PCDH9: variants seen among roughly 807,000 people sequenced by gnomAD.
The protein encoded by PCDH9 is protocadherin-9.
In PCDH9, 24 loss-of-function variants were observed where a neutral mutation model predicts 70.6. The ratio of observed to expected loss-of-function variants is 0.34; its 90% confidence interval spans 0.25 to 0.48. PCDH9 has a LOEUF of 0.48. Ranked by LOEUF, PCDH9 falls within the 20% of genes least tolerant of loss-of-function variation. The pLI, the probability that PCDH9 is intolerant of heterozygous loss-of-function variation, is 0.99. For synonymous variants in PCDH9, 562 were observed against 558.5 expected (o/e 1.01, Z -0.09); for missense variants, 1,281 against 1,503.6 (o/e 0.85, Z 2.45).
intron 4 of PCDH9, among the ~76,000 whole-genome samples, chr13:66,453,138 T>C (rs1422190473): frequency 2.0e-5 from 3 of 152,210 alleles, no homozygotes; most frequent in Non-Finnish European, 4.4e-5. Context: ...CTAATTATAA[T>C]ACACGACACT....
At chr13:66,733,326 T>G (rs1007422256) in intron 3 of PCDH9, among the ~76,000 whole-genome samples, 1 of 152,156 alleles carries the variant, frequency 6.6e-6, no homozygotes, top group South Asian at 2.1e-4. Flanking sequence ...TAGCCACAAA[T>G]TATTCCTGTC....
intron 4 of PCDH9, among the ~76,000 whole-genome samples, chr13:66,437,551 T>C (rs745873555): frequency 2.0e-5 from 3 of 151,800 alleles, no homozygotes; most frequent in Non-Finnish European, 4.4e-5. Flanking sequence ...GAAAAGATGC[T>C]CAATAAAATT....
At chr13:66,437,404 C>CAAAGAAAAAAAAA (rs758826196) in intron 4 of PCDH9, among the ~76,000 whole-genome samples, 3 of 45,600 alleles carry the variant, frequency 6.6e-5, no homozygotes, top group African/African-American at 1.4e-4. Context: ...GACTCTGTCT[C>CAAAGAAAAAAAAA]AAAAAAAAAA....
chr13:67,160,988 T>G (rs1414407910), intron 2 of PCDH9, among the ~76,000 whole-genome samples: 1 of 152,204 alleles, frequency 6.6e-6, no homozygotes, highest in Non-Finnish European at 1.5e-5. Context: ...TCAGCTAATC[T>G]TTCTGGAACA....
chr13:67,022,258 G>A (rs976489025), intron 2 of PCDH9, among the ~76,000 whole-genome samples: 11 of 151,232 alleles, frequency 7.3e-5, no homozygotes, highest in East Asian at 2.0e-4. Flanking sequence ...GAGTAGCTGC[G>A]GTTACAGGTA....
intron 4 of PCDH9, among the ~76,000 whole-genome samples, chr13:66,422,879 T>G (rs1957593687): frequency 6.6e-6 from 1 of 152,040 alleles, no homozygotes; most frequent in Admixed American, 6.6e-5. Context: ...GCTGGTTTTT[T>G]GAAAAAGATT....
At chr13:66,561,275 C>A (rs1407350437) in intron 4 of PCDH9, among the ~76,000 whole-genome samples, 3 of 152,220 alleles carry the variant, frequency 2.0e-5, no homozygotes, top group Non-Finnish European at 4.4e-5. Context: ...GGCTCGGGAC[C>A]TGCAGCCCGC....
intron 3 of PCDH9, among the ~76,000 whole-genome samples, chr13:66,646,945 C>T (rs552455387): frequency 1.3e-5 from 2 of 152,188 alleles, no homozygotes; most frequent in African/African-American, 2.4e-5. Context: ...CTCGGTGCTG[C>T]CCTGTCACAG....
chr13:67,227,126 T>A lies in PCDH9; in HGVS notation c.1315A>T (p.Ile439Phe). 1 of 1,614,006 alleles carries A rather than the reference T, an allele frequency of 6.2e-7. No homozygotes were observed. Among genetic ancestry groups the A allele is most frequent in the East Asian group, 2.2e-5 (1 of 44,884 alleles). ...YEGTKEFSFKIVASDSGKPSL... is the reference protein window; with the variant it reads ...YEGTKEFSFKFVASDSGKPSL... ...GGCTTCCCAGAATCAGAGGCAACAA[T>A]TTTAAAGCTGAATTCTTTGGTGCCC... The change falls in exon 2 of 5, where the codon ATT becomes TTT. Residue 439 changes from isoleucine to phenylalanine, a missense_variant. Physicochemically the swap from Ile to Phe is conservative, Grantham distance 21 (BLOSUM62 0). Coordinates refer to ENST00000377865, the MANE Select transcript of PCDH9 (RefSeq NM_203487.3). The surrounding 1 kb of genome is among the most constrained non-coding windows in gnomAD (Gnocchi z 4.6).
chr13:66,477,471 G>C (rs1958753482), intron 4 of PCDH9, among the ~76,000 whole-genome samples: 1 of 152,046 alleles, frequency 6.6e-6, no homozygotes, highest in Non-Finnish European at 1.5e-5. Flanking sequence ...GATGAACTGT[G>C]GACAAGACAT....
At chr13:66,332,837 T>A (rs990503969) in intron 4 of PCDH9, among the ~76,000 whole-genome samples, 16 of 151,312 alleles carry the variant, frequency 1.1e-4, no homozygotes, top group Non-Finnish European at 1.9e-4. Flanking sequence ...TATATATATA[T>A]AAAATCACTA....
At chr13:67,179,982 T>C in intron 2 of PCDH9, among the ~76,000 whole-genome samples, 1 of 152,144 alleles carries the variant, frequency 6.6e-6, no homozygotes, top group East Asian at 1.9e-4. Context: ...AACTCCAACC[T>C]AAAGTTTATA....
At chr13:66,688,235 C>G (rs1360802658) in intron 3 of PCDH9, among the ~76,000 whole-genome samples, 1 of 152,072 alleles carries the variant, frequency 6.6e-6, no homozygotes, top group Non-Finnish European at 1.5e-5. Flanking sequence ...TCACTAATGC[C>G]TTAAGCAACT....
At chr13:66,804,201 A>G (rs886185459) in intron 3 of PCDH9, among the ~76,000 whole-genome samples, 4 of 152,192 alleles carry the variant, frequency 2.6e-5, no homozygotes, top group Non-Finnish European at 5.9e-5. Context: ...AGTTTACTAC[A>G]TTGTGTTTTG....
chr13:66,991,956 G>GT (rs796717090), intron 2 of PCDH9, among the ~76,000 whole-genome samples: 1 of 152,064 alleles, frequency 6.6e-6, no homozygotes, highest in African/African-American at 2.4e-5. Flanking sequence ...AAGTATATGG[G>GT]TTTTTTTTAA....
intron 3 of PCDH9, among the ~76,000 whole-genome samples, chr13:66,649,632 C>T (rs2077822251): frequency 6.6e-6 from 1 of 151,566 alleles, no homozygotes; most frequent in East Asian, 1.9e-4. Context: ...ACAAAACTTA[C>T]TGGTAATAGT....
intron 2 of PCDH9, among the ~76,000 whole-genome samples, chr13:67,100,856 A>G (rs1427162140): frequency 6.6e-6 from 1 of 152,182 alleles, no homozygotes; most frequent in Non-Finnish European, 1.5e-5. Flanking sequence ...ATATCTATGG[A>G]AAGGGGCCTC....
At chr13:66,944,817 C>CTGTGTGTGTGTGTG (rs67182136) in intron 2 of PCDH9, among the ~76,000 whole-genome samples, 1,628 of 135,372 alleles carry the variant, frequency 0.012, 50 homozygotes, top group African/African-American at 0.042. Context: ...CTAATCGTCT[C>CTGTGTGTGTGTGTG]TGTGTGTGTG....
At chr13:66,643,692 T>C (rs2077736668) in intron 3 of PCDH9, among the ~76,000 whole-genome samples, 1 of 152,082 alleles carries the variant, frequency 6.6e-6, no homozygotes, top group Non-Finnish European at 1.5e-5. Context: ...TACTAAAAAA[T>C]GTAGTTACTT....
Sources: allele counts gnomAD v4.1 joint callset (sites outside exome capture counted in the v4.1 genomes callset), GRCh38; gene constraint gnomAD v4.1.1; non-coding constraint Gnocchi (gnomAD v3.1); transcripts MANE v1.5; gene names NCBI Gene and HGNC (gene_info 2026-07-23, HGNC 2026-07-21).